Variants in EXT1 observed in about 807,000 individuals in gnomAD.
EXT1 encodes the protein exostosin glycosyltransferase 1.
In EXT1, 20 loss-of-function variants were observed where a neutral mutation model predicts 82.5. The observed-to-expected ratio is 0.24, with a 90% CI of 0.17 to 0.35. The LOEUF (loss-of-function observed/expected upper bound fraction) is 0.35. EXT1 is among the 10% of genes least tolerant of loss of function. The pLI is 1.00. For missense variants in EXT1, 757 were observed against 936.5 expected (o/e 0.81, Z 2.50); for synonymous variants, 348 against 350.8 (o/e 0.99, Z 0.09).
intron 1 of EXT1, among the ~76,000 whole-genome samples, chr8:118,029,111 A>G (rs543143161): frequency 6.6e-6 from 1 of 152,066 alleles, no homozygotes; most frequent in Admixed American, 6.5e-5. Flanking sequence ...AGTTGTACAG[A>G]GATACATTTG....
chr8:117,891,909 C>T (rs1000823454), intron 1 of EXT1, among the ~76,000 whole-genome samples: 11 of 148,204 alleles, frequency 7.4e-5, no homozygotes, highest in Non-Finnish European at 1.0e-4. Flanking sequence ...CGGGTTCAAG[C>T]GATTCTCCTG....
chr8:117,968,397 G>A (rs767073808), intron 1 of EXT1, among the ~76,000 whole-genome samples: 5 of 152,028 alleles, frequency 3.3e-5, no homozygotes, highest in Admixed American at 6.6e-5. Flanking sequence ...TGGGATTATA[G>A]GTGTGAGTCA....
At chr8:118,011,817 G>A (rs1563629205) in intron 1 of EXT1, among the ~76,000 whole-genome samples, 1 of 152,114 alleles carries the variant, frequency 6.6e-6, no homozygotes, top group Non-Finnish European at 1.5e-5. Context: ...AATTCCAAAC[G>A]CATCTTTGAT....
intron 1 of EXT1, among the ~76,000 whole-genome samples, chr8:117,976,789 A>T (rs1354693857): frequency 1.3e-5 from 2 of 152,194 alleles, no homozygotes; most frequent in East Asian, 3.8e-4. Context: ...TTAATCCTAA[A>T]ATAGTAGCAG....
intron 2 of EXT1, 64 bp from the exon 3 acceptor site, chr8:117,835,615 G>A (rs1305824466): frequency 9.1e-6 from 11 of 1,214,096 alleles, no homozygotes; most frequent in Non-Finnish European, 9.8e-6. Flanking sequence ...TCCAATCAGA[G>A]GTGAAATCAG....
chr8:118,081,559 C>A (rs1011020203), intron 1 of EXT1, among the ~76,000 whole-genome samples: 4 of 152,138 alleles, frequency 2.6e-5, no homozygotes, highest in African/African-American at 9.7e-5. Flanking sequence ...ACAGAAGCTG[C>A]CCCCAAAGAA....
At chr8:117,955,449 G>T (rs1018894827) in intron 1 of EXT1, among the ~76,000 whole-genome samples, 1 of 152,196 alleles carries the variant, frequency 6.6e-6, no homozygotes, top group African/African-American at 2.4e-5. Context: ...AGAACAAAAG[G>T]TTTATCACCC....
Position 117,824,855 on chromosome 8 carries a change from T to TTTTTTG in EXT1, c.1285-2264_1285-2259dup, listed in dbSNP as rs545929218. Among the ~76,000 whole-genome samples, 301 of 152,054 alleles carry TTTTTTG rather than the reference T, an allele frequency of 2.0e-3. 11 individuals are homozygous for TTTTTTG. In the East Asian group the frequency reaches 0.052, roughly 26 times the overall value. ...TGATTATTCTTCTTCTTCTTTTTCT[T>TTTTTTG]TTTTTGTTTTTGTTTTTGTTTTTGT... On this transcript the variant is annotated intron_variant, in intron 4 of 10. Coordinates refer to ENST00000378204, the MANE Select transcript of EXT1 (RefSeq NM_000127.3).
At chr8:117,991,097 C>T (rs1008191782) in intron 1 of EXT1, among the ~76,000 whole-genome samples, 1 of 151,774 alleles carries the variant, frequency 6.6e-6, no homozygotes, top group Admixed American at 6.6e-5. Flanking sequence ...ACTCAGTTCT[C>T]CAGACTTCGA....
chr8:117,960,400 A>G (rs1035614898), intron 1 of EXT1, among the ~76,000 whole-genome samples: 3 of 152,130 alleles, frequency 2.0e-5, no homozygotes, highest in Non-Finnish European at 4.4e-5. Context: ...CTTTCTTTGA[A>G]AGCTTATAAA....
chr8:118,029,953 T>C (rs1816277423), intron 1 of EXT1, among the ~76,000 whole-genome samples: 1 of 152,214 alleles, frequency 6.6e-6, no homozygotes. Context: ...TGAACTTCAC[T>C]AAACAGTTTT....
chr8:117,957,111 T>C (rs1466587362), intron 1 of EXT1, among the ~76,000 whole-genome samples: 2 of 152,222 alleles, frequency 1.3e-5, no homozygotes, highest in Admixed American at 6.5e-5. Context: ...GCGACAGCAC[T>C]GTGTTAAGAG....
At chr8:117,989,032 C>A (rs1421154151) in intron 1 of EXT1, among the ~76,000 whole-genome samples, 1 of 145,338 alleles carries the variant, frequency 6.9e-6, no homozygotes, top group Admixed American at 7.2e-5. Flanking sequence ...TTGAGACCAG[C>A]CTGGGCCACA....
Position 117,797,731 on chromosome 8 carries a change from A to G in EXT1, c.*1981T>C, listed in dbSNP as rs1291242936. On this transcript the variant is annotated 3_prime_UTR_variant, in exon 11 of 11. Transcript: ENST00000378204. ...AGACCAAACATTTTATAGAAAAGAC[A>G]CAAGTGCAAGCACCATGGACCTAAG... 1.3e-5 allele frequency: 2 copies of G among 152,238 alleles called. No individual in the cohort carries two copies. Among genetic ancestry groups the G allele is most frequent in the Non-Finnish European group, 2.9e-5 (2 of 68,044 alleles). 9.4% of individuals were successfully genotyped at this position (152,238 alleles called of 1,614,324 possible).
In EXT1 at chr8:117,794,845, G is replaced by A. The variant is rs373151123; in HGVS notation, c.*4867C>T. 1.4e-4 allele frequency: 22 copies of A among 152,192 alleles called. No homozygotes were observed. The highest frequency in any genetic ancestry group is 7.7e-4 in the East Asian group (4 of 5,186). 9.4% of individuals were successfully genotyped at this position (152,192 alleles called of 1,614,324 possible). On this transcript the variant is annotated 3_prime_UTR_variant, in exon 11 of 11. Transcript: ENST00000378204. Reference sequence around the variant, plus strand: ...AATAAGGTATACTTTTGTTTTTTGCGTTACAATTTGCCACCTAAAATAGTT... The same window carrying A: ...AATAAGGTATACTTTTGTTTTTTGCATTACAATTTGCCACCTAAAATAGTT...
chr8:117,933,012 A>G (rs952832816), intron 1 of EXT1, among the ~76,000 whole-genome samples: 4 of 152,046 alleles, frequency 2.6e-5, no homozygotes, highest in African/African-American at 9.7e-5. Flanking sequence ...TTCCTTGAAC[A>G]AAGCTCTCAC....
intron 3 of EXT1, among the ~76,000 whole-genome samples, chr8:117,832,222 C>A (rs1362908837): frequency 6.6e-6 from 1 of 152,212 alleles, no homozygotes; most frequent in East Asian, 1.9e-4. Flanking sequence ...CACAAGGAAA[C>A]AGTCTATTAG....
intron 1 of EXT1, among the ~76,000 whole-genome samples, chr8:117,968,550 TTTA>T: frequency 2.6e-4 from 2 of 7,552 alleles, no homozygotes; most frequent in Non-Finnish European, 3.7e-4. Flanking sequence ...TATTTATTTA[TTTA>T]TTTTTTTTTT....
chr8:117,955,203 G>A (rs774397586), intron 1 of EXT1, among the ~76,000 whole-genome samples: 7 of 152,124 alleles, frequency 4.6e-5, no homozygotes, highest in Admixed American at 2.0e-4. Flanking sequence ...CCATCCTCCC[G>A]GCATGTGGAT....
Sources: gnomAD v4.1 joint callset for allele counts (sites outside exome capture counted in the v4.1 genomes callset) on GRCh38, gnomAD v4.1.1 for gene constraint, MANE v1.5 for transcripts, NCBI Gene and HGNC (gene_info 2026-07-23, HGNC 2026-07-21) for gene names.